AUTS2: variants seen among roughly 807,000 people sequenced by gnomAD.
AUTS2 encodes activator of transcription and developmental regulator AUTS2.
A neutral mutation model predicts 112.4 loss-of-function variants in AUTS2; 17 were observed. The ratio of observed to expected loss-of-function variants is 0.15; its 90% CI spans 0.10 to 0.23. The LOEUF is 0.23. Among genes scored for constraint, AUTS2 ranks in the 10% least tolerant of loss-of-function variants. AUTS2 has a pLI of 1.00. For missense variants in AUTS2, 1,510 were observed against 1,701.6 expected, an observed-to-expected ratio of 0.89 and a Z score of 1.98; for synonymous variants, 751 against 702.7, an observed-to-expected ratio of 1.07 and a Z score of -1.09.
rs950569417 is a variant in AUTS2 at position 70,350,640 on chromosome 7, C to T, written c.661-85112C>T. On this transcript the variant is annotated intron_variant, in intron 4 of 18. Transcript: ENST00000342771. Reference sequence around the variant, plus strand: ...TCCCTCCCATGACACATGGGAGCTACAATTCAAGATGAGATTTGGGTGGGG... The same window carrying T: ...TCCCTCCCATGACACATGGGAGCTATAATTCAAGATGAGATTTGGGTGGGG... Among the ~76,000 whole-genome samples the T allele has an allele frequency of 8.5e-5, 13 of 152,100 alleles. 1 individual carries two copies. Among genetic ancestry groups the T allele is most frequent in the Non-Finnish European group, 1.3e-4 (9 of 68,028 alleles).
intron 5 of AUTS2, 28 bp from the exon 6 acceptor site, chr7:70,698,541 T>G: frequency 6.3e-7 from 1 of 1,584,424 alleles, no homozygotes; most frequent in Non-Finnish European, 8.6e-7. Flanking sequence ...ACAATAATAA[T>G]GCTTTTTTCC....
chr7:70,003,767 T>G (rs1799368904), intron 2 of AUTS2, among the ~76,000 whole-genome samples: 1 of 125,840 alleles, frequency 7.9e-6, no homozygotes, highest in Non-Finnish European at 1.6e-5. Flanking sequence ...TGAATATATA[T>G]AATATATATG....
chr7:69,871,710 G>A (rs762955715), intron 1 of AUTS2, among the ~76,000 whole-genome samples: 16 of 152,260 alleles, frequency 1.1e-4, no homozygotes, highest in Admixed American at 3.9e-4. Flanking sequence ...CATCTATAGC[G>A]TGGACATGCT....
chr7:70,159,923 A>G (rs1359095097), intron 4 of AUTS2, among the ~76,000 whole-genome samples: 1 of 152,000 alleles, frequency 6.6e-6, no homozygotes, highest in Non-Finnish European at 1.5e-5. Context: ...TGTCAGCATG[A>G]TCTCTCCTTT....
At chr7:70,403,950 G>C (rs1794428141) in intron 4 of AUTS2, among the ~76,000 whole-genome samples, 2 of 152,152 alleles carry the variant, frequency 1.3e-5, no homozygotes, top group African/African-American at 4.8e-5. Context: ...TCATACCCAG[G>C]TTTGAAAACA....
At chr7:70,735,641 C>G (rs1787739564) in intron 6 of AUTS2, among the ~76,000 whole-genome samples, 1 of 152,184 alleles carries the variant, frequency 6.6e-6, no homozygotes, top group South Asian at 2.1e-4. Flanking sequence ...GGAACTGAAG[C>G]ATGTGTTGGC....
At chr7:70,290,358 T>C in intron 4 of AUTS2, 1 of 1,475,796 alleles carries the variant, frequency 6.8e-7, no homozygotes, top group African/African-American at 1.5e-5. Context: ...TTTTCATGTT[T>C]CCATTTCAGA....
chr7:70,155,557 C>T lies in AUTS2; in HGVS notation c.660+20986C>T, dbSNP rs192444343. Among the ~76,000 whole-genome samples, 13 of 151,076 alleles carry T rather than the reference C, an allele frequency of 8.6e-5. No individual in the cohort carries two copies. The East Asian group carries it at 1.8e-3, about 20-fold the overall frequency. ...AAAGCCTCTGCTGATAGCTGTGTGC[C>T]GTTTGTTTTTAATCCTTTCTCGGTA... On this transcript the variant is annotated intron_variant, in intron 4 of 18. Transcript: ENST00000342771.
chr7:70,630,807 A>G (rs74915254), intron 5 of AUTS2, among the ~76,000 whole-genome samples: 3,275 of 152,334 alleles, frequency 0.021, 52 homozygotes, highest in Non-Finnish European at 0.038. Context: ...TTTATTGCCC[A>G]TTAAAGCAAC....
At chr7:69,952,320 T>C (rs752670551) in intron 2 of AUTS2, among the ~76,000 whole-genome samples, 1 of 152,176 alleles carries the variant, frequency 6.6e-6, no homozygotes, top group Admixed American at 6.5e-5. Context: ...ATTATTAAGA[T>C]GTTAATGTGA....
chr7:69,843,533 A>G (rs1792068849), intron 1 of AUTS2, among the ~76,000 whole-genome samples: 2 of 152,232 alleles, frequency 1.3e-5, no homozygotes, highest in Admixed American at 6.5e-5. Flanking sequence ...GTAGATGTGC[A>G]GTATAAATTT....
chr7:70,339,570 T>A (rs1230032947), intron 4 of AUTS2, among the ~76,000 whole-genome samples: 1 of 152,226 alleles, frequency 6.6e-6, no homozygotes, highest in African/African-American at 2.4e-5. Flanking sequence ...CGTACCTGTT[T>A]AAACCAATGT....
intron 5 of AUTS2, among the ~76,000 whole-genome samples, chr7:70,521,641 G>C (rs569771043): frequency 6.6e-6 from 1 of 152,234 alleles, no homozygotes; most frequent in Non-Finnish European, 1.5e-5. Context: ...AATTTTACTA[G>C]TTCACTTTTC....
chr7:69,641,219 G>A (rs899778127), intron 1 of AUTS2, among the ~76,000 whole-genome samples: 3 of 152,144 alleles, frequency 2.0e-5, no homozygotes, highest in African/African-American at 7.2e-5. Context: ...GACACAGGAA[G>A]GAATGGTATT....
chr7:70,123,172 G>A (rs1293545027), intron 3 of AUTS2, among the ~76,000 whole-genome samples: 2 of 152,002 alleles, frequency 1.3e-5, no homozygotes, highest in African/African-American at 2.4e-5. Context: ...CACCATGTTC[G>A]GCCGAGATGA....
At chr7:69,706,784 G>A (rs1455837304) in intron 1 of AUTS2, among the ~76,000 whole-genome samples, 1 of 152,182 alleles carries the variant, frequency 6.6e-6, no homozygotes, top group African/African-American at 2.4e-5. Flanking sequence ...GTGTGCAGCT[G>A]AACTGAGCCG....
chr7:69,754,829 G>A (rs1787883525), intron 1 of AUTS2, among the ~76,000 whole-genome samples: 1 of 152,176 alleles, frequency 6.6e-6, no homozygotes, highest in Non-Finnish European at 1.5e-5. Flanking sequence ...TAGAGCATAA[G>A]TAATTTGTTT....
chr7:69,618,661 A>G (rs1793502708), intron 1 of AUTS2, among the ~76,000 whole-genome samples: 1 of 152,166 alleles, frequency 6.6e-6, no homozygotes, highest in Admixed American at 6.5e-5. Context: ...TTTGTCTAAA[A>G]ATGTATGCAT....
At chr7:70,227,913 G>A (rs1811850437) in intron 4 of AUTS2, among the ~76,000 whole-genome samples, 1 of 152,074 alleles carries the variant, frequency 6.6e-6, no homozygotes, top group Non-Finnish European at 1.5e-5. Flanking sequence ...CTCATTTGGG[G>A]TGGAGTGTTC....
Sources: gnomAD v4.1 joint callset for allele counts (sites outside exome capture counted in the v4.1 genomes callset) on GRCh38, gnomAD v4.1.1 for gene constraint, MANE v1.5 for transcripts, NCBI Gene and HGNC (gene_info 2026-07-23, HGNC 2026-07-21) for gene names.